CTNNA2: variants seen among roughly 807,000 people sequenced by gnomAD.
CTNNA2 encodes catenin alpha-2.
A neutral mutation model predicts 101.0 loss-of-function variants in CTNNA2; 42 were observed. The observed-to-expected ratio is 0.42, with a 90% CI of 0.32 to 0.54. The LOEUF is 0.54. Among genes scored for constraint, CTNNA2 ranks in the 20% least tolerant of loss-of-function variants. CTNNA2 has a pLI of 0.14. For synonymous variants in CTNNA2, 450 were observed against 456.4 expected (o/e 0.99, Z 0.18); for missense variants, 871 against 1,223.1 (o/e 0.71, Z 4.29).
rs532168331 is a variant in CTNNA2 at position 80,393,870 on chromosome 2, G to A, written c.1137+579G>A. Among the ~76,000 whole-genome samples, 37 of 152,268 alleles carry A rather than the reference G, an allele frequency of 2.4e-4. No homozygotes were observed. In the South Asian group the frequency reaches 4.6e-3, roughly 19 times the overall value. On this transcript the variant is annotated intron_variant, in intron 8 of 18. Coordinates refer to ENST00000402739, the MANE Select transcript of CTNNA2 (RefSeq NM_001282597.3). ...TAACAGGGAGAAATCTCCGGTCAGG[G>A]CCCTTTTTCTCCTTGAAAGTGTTGT...
At position 80,182,131 on chromosome 2, in the gene CTNNA2, C is replaced by G. The variant is rs369823448; in HGVS notation, c.1057-211080C>G. On this transcript the variant is annotated intron_variant, in intron 7 of 18. Transcript: ENST00000402739. Reference sequence around the variant, plus strand: ...ATCTGCAAGCTGAGGAGCAAAGAAGCCAGTACAAGTCACAAAACCTCAAAA... The same window carrying G: ...ATCTGCAAGCTGAGGAGCAAAGAAGGCAGTACAAGTCACAAAACCTCAAAA... Among the ~76,000 whole-genome samples the G allele has an allele frequency of 1.2e-4, 19 of 152,244 alleles. No individual in the cohort carries two copies. In the East Asian group the frequency reaches 3.3e-3, roughly 26 times the overall value.
At chr2:80,283,262 G>A (rs1026418767) in intron 7 of CTNNA2, among the ~76,000 whole-genome samples, 1 of 152,006 alleles carries the variant, frequency 6.6e-6, no homozygotes, top group Non-Finnish European at 1.5e-5. Context: ...CAAACTAAAG[G>A]TCAGGGTGCA....
intron 2 of CTNNA2, among the ~76,000 whole-genome samples, chr2:79,683,665 G>C (rs1683736977): frequency 6.6e-6 from 1 of 152,184 alleles, no homozygotes; most frequent in African/African-American, 2.4e-5. Context: ...ACTTTGCCAG[G>C]TTAGTTCCCT....
intron 9 of CTNNA2, among the ~76,000 whole-genome samples, chr2:80,455,154 G>A (rs1370668288): frequency 6.6e-6 from 1 of 152,226 alleles, no homozygotes; most frequent in Non-Finnish European, 1.5e-5. Context: ...GGGGTAATGA[G>A]GTGTCAGGGG....
chr2:80,352,967 G>A (rs1198490575), intron 7 of CTNNA2, among the ~76,000 whole-genome samples: 1 of 151,942 alleles, frequency 6.6e-6, no homozygotes, highest in Non-Finnish European at 1.5e-5. Context: ...TGGGGAAGTA[G>A]GTTCATTACA....
intron 2 of CTNNA2, among the ~76,000 whole-genome samples, chr2:79,715,463 A>G (rs2104831827): frequency 6.6e-6 from 1 of 152,302 alleles, no homozygotes; most frequent in African/African-American, 2.4e-5. Context: ...CAAAAAATGA[A>G]ACAGTACTTT....
rs559291030 is a variant in CTNNA2 at position 79,545,443 on chromosome 2, A to G, written c.-6+32236A>G. Among the ~76,000 whole-genome samples, 4 of 152,280 alleles carry G rather than the reference A, an allele frequency of 2.6e-5. No individual in the cohort carries two copies. The East Asian group carries it at 7.7e-4, about 29-fold the overall frequency. On this transcript the variant is annotated intron_variant, in intron 1 of 18. Coordinates refer to ENST00000402739, the MANE Select transcript of CTNNA2 (RefSeq NM_001282597.3). The stretch of plus-strand genomic sequence containing the variant: ...TATGGAGCAGCCACATCAAATATGA[A>G]CTATGTATATGCCAACTGTTACACG...
intron 9 of CTNNA2, among the ~76,000 whole-genome samples, chr2:80,505,899 G>A (rs1688239697): frequency 6.6e-6 from 1 of 152,140 alleles, no homozygotes; most frequent in Non-Finnish European, 1.5e-5. Context: ...GCAGCTGTTT[G>A]ATCCAGTTAT....
chr2:80,507,028 T>G (rs78036635), intron 9 of CTNNA2, among the ~76,000 whole-genome samples: 2,188 of 152,278 alleles, frequency 0.014, 34 homozygotes, highest in Non-Finnish European at 0.018. Flanking sequence ...CGTTAGTGAT[T>G]ATTGTGATGA....
intron 4 of CTNNA2, among the ~76,000 whole-genome samples, chr2:79,405,210 A>T (rs910736457): frequency 5.9e-5 from 9 of 152,092 alleles, no homozygotes; most frequent in African/African-American, 2.2e-4. Flanking sequence ...CCTGGCTCTG[A>T]AGTTCCATGC....
At chr2:79,561,340 G>T (rs1156820974) in intron 1 of CTNNA2, among the ~76,000 whole-genome samples, 2 of 151,762 alleles carry the variant, frequency 1.3e-5, no homozygotes, top group Non-Finnish European at 2.9e-5. Flanking sequence ...ATGGGCATTT[G>T]GGTGTTTCTA....
At chr2:80,563,649 T>C (rs916270153) in intron 12 of CTNNA2, among the ~76,000 whole-genome samples, 8 of 152,174 alleles carry the variant, frequency 5.3e-5, no homozygotes, top group African/African-American at 1.7e-4. Context: ...AATGCTGGGA[T>C]TACAGGCATG....
intron 18 of CTNNA2, among the ~76,000 whole-genome samples, chr2:80,625,230 T>G (rs1261470799): frequency 2.0e-5 from 3 of 152,008 alleles, no homozygotes; most frequent in Non-Finnish European, 4.4e-5. Flanking sequence ...TTTATTAGAA[T>G]AGCAATAGCT....
At chr2:80,019,275 T>G (rs1416834516) in intron 7 of CTNNA2, among the ~76,000 whole-genome samples, 1 of 152,192 alleles carries the variant, frequency 6.6e-6, no homozygotes, top group Non-Finnish European at 1.5e-5. Flanking sequence ...TTGAATAATT[T>G]AAGTTGAGGC....
At chr2:80,557,800 T>A (rs1368030733) in intron 12 of CTNNA2, among the ~76,000 whole-genome samples, 1 of 152,214 alleles carries the variant, frequency 6.6e-6, no homozygotes, top group Non-Finnish European at 1.5e-5. Flanking sequence ...TATTTTAACA[T>A]AATTTTCACC....
At chr2:79,951,534 G>A (rs1313936378) in intron 7 of CTNNA2, among the ~76,000 whole-genome samples, 1 of 151,988 alleles carries the variant, frequency 6.6e-6, no homozygotes, top group Non-Finnish European at 1.5e-5. Context: ...GCATGGTGGT[G>A]TGCACTTGTA....
chr2:79,462,265 A>C (rs976097675), intron 4 of CTNNA2, among the ~76,000 whole-genome samples: 1 of 152,222 alleles, frequency 6.6e-6, no homozygotes, highest in African/African-American at 2.4e-5. Flanking sequence ...AAGGGCTCAA[A>C]AAGCATACCA....
intron 7 of CTNNA2, among the ~76,000 whole-genome samples, chr2:79,931,171 T>G (rs989293934): frequency 6.6e-6 from 1 of 152,240 alleles, no homozygotes; most frequent in Non-Finnish European, 1.5e-5. Context: ...AACTGTTCAC[T>G]GTGTATGTGT....
At chr2:79,691,378 G>T (rs1387685025) in intron 2 of CTNNA2, among the ~76,000 whole-genome samples, 1 of 151,852 alleles carries the variant, frequency 6.6e-6, no homozygotes, top group East Asian at 1.9e-4. Flanking sequence ...ATACCATAGA[G>T]ATTATCATCT....
Sources: gnomAD v4.1 joint callset for allele counts (sites outside exome capture counted in the v4.1 genomes callset) on GRCh38, gnomAD v4.1.1 for gene constraint, MANE v1.5 for transcripts, NCBI Gene and HGNC (gene_info 2026-07-23, HGNC 2026-07-21) for gene names.